SAMD12: variants seen among roughly 807,000 people sequenced by gnomAD.
The protein encoded by SAMD12 is sterile alpha motif domain containing 12, also known as sterile alpha motif domain-containing protein 12.
A neutral mutation model predicts 15.0 loss-of-function variants in SAMD12; 9 were observed. That is an observed-to-expected ratio of 0.60 (90% CI 0.36 to 1.05). The LOEUF (loss-of-function observed/expected upper bound fraction) is 1.05. SAMD12 is among the 50% of genes least tolerant of loss of function. SAMD12 has a pLI of 0.01. For missense variants in SAMD12, 230 were observed against 234.2 expected (o/e 0.98, Z 0.12); for synonymous variants, 86 against 90.1 (o/e 0.96, Z 0.25).
At chr8:118,417,274 G>A (rs1158708392) in intron 3 of SAMD12, among the ~76,000 whole-genome samples, 1 of 152,092 alleles carries the variant, frequency 6.6e-6, no homozygotes, top group African/African-American at 2.4e-5. Context: ...TGTAGAGACA[G>A]GGTCTCATTA....
intron 2 of SAMD12, among the ~76,000 whole-genome samples, chr8:118,453,658 C>T (rs1810718176): frequency 1.3e-5 from 2 of 152,006 alleles, no homozygotes; most frequent in South Asian, 2.1e-4. Context: ...GCAACTGGGA[C>T]TACAGGTGCA....
chr8:118,369,319 A>G (rs1563802073), intron 4 of SAMD12, among the ~76,000 whole-genome samples: 1 of 152,240 alleles, frequency 6.6e-6, no homozygotes. Context: ...AGGATTCCCT[A>G]TTTAATAAAC....
At chr8:118,157,880 T>A in the SAMD12 span, among the ~76,000 whole-genome samples, 2 of 152,176 alleles carry the variant, frequency 1.3e-5, no homozygotes, top group African/African-American at 4.8e-5. Context: ...ACTGTGGACA[T>A]CAGACAATGA....
At chr8:118,335,316 T>G (rs1420312101) in intron 4 of SAMD12, among the ~76,000 whole-genome samples, 1 of 152,164 alleles carries the variant, frequency 6.6e-6, no homozygotes, top group Non-Finnish European at 1.5e-5. Flanking sequence ...TGCTTGTAAC[T>G]CGCAGCTTTC....
rs142136895 is a variant in SAMD12, at chr8:118,567,419, C to T, written c.192+13296G>A. Among the ~76,000 whole-genome samples the T allele has an allele frequency of 5.2e-4, 79 of 152,272 alleles. 1 individual carries two copies. The South Asian group carries it at 0.012, about 24-fold the overall frequency. ...CTCTAAGATGTTACTCTCACCCAGG[C>T]AATGTGTAGGGTTAATCCTTCCTCA... On this transcript the variant is annotated intron_variant, in intron 2 of 3. Transcript: ENST00000314727.
intron 3 of SAMD12, among the ~76,000 whole-genome samples, chr8:118,410,184 C>T (rs888965450): frequency 6.6e-6 from 1 of 151,992 alleles, no homozygotes; most frequent in Non-Finnish European, 1.5e-5. Flanking sequence ...GGTACATGTT[C>T]AAAACTGTTT....
chr8:118,323,168 G>T (rs1309059359), intron 4 of SAMD12, among the ~76,000 whole-genome samples: 1 of 152,178 alleles, frequency 6.6e-6, no homozygotes, highest in African/African-American at 2.4e-5. Flanking sequence ...CCACTGACCT[G>T]CAGCCTTTGA....
intron 2 of SAMD12, among the ~76,000 whole-genome samples, chr8:118,562,862 A>G (rs1045494078): frequency 6.6e-6 from 1 of 152,204 alleles, no homozygotes; most frequent in Non-Finnish European, 1.5e-5. Flanking sequence ...AGACCTGTCC[A>G]CTGGGAGGAC....
chr8:118,359,933 G>C (rs904612417), intron 4 of SAMD12, among the ~76,000 whole-genome samples: 6 of 152,126 alleles, frequency 3.9e-5, no homozygotes, highest in African/African-American at 1.4e-4. Context: ...TACTTACTGG[G>C]CTGAAGGGTC....
At chr8:118,531,591 T>C (rs1328099982) in intron 2 of SAMD12, among the ~76,000 whole-genome samples, 1 of 152,256 alleles carries the variant, frequency 6.6e-6, no homozygotes, top group East Asian at 1.9e-4. Flanking sequence ...GTTTGTGTCC[T>C]CTTTTATTTT....
intron 2 of SAMD12, among the ~76,000 whole-genome samples, chr8:118,525,394 T>C (rs1360591073): frequency 6.6e-6 from 1 of 152,180 alleles, no homozygotes; most frequent in African/African-American, 2.4e-5. Flanking sequence ...CATTTCACAT[T>C]AGACATTTAC....
chr8:118,189,726 T>A (rs1819307223), exon 5 of SAMD12: 1 of 152,106 alleles, frequency 6.6e-6, no homozygotes, highest in Non-Finnish European at 1.5e-5. Context: ...CAAAGGGAAT[T>A]GGCAAGTTGA....
At position 118,522,208 on chromosome 8, in the gene SAMD12, ACACACACG is replaced by A. The variant is rs746980124; in HGVS notation, c.192+58499_192+58506del. On this transcript the variant is annotated intron_variant, in intron 2 of 3. Coordinates refer to ENST00000314727, the MANE Select transcript of SAMD12 (RefSeq NM_207506.3). ...CACACACACACACACATACACACAC[ACACACACG>A]ATAAAAAGAGAGAAATCAAACGAGA... is the stretch of plus-strand genomic sequence containing the variant. Among the ~76,000 whole-genome samples, 1,167 of 140,174 alleles carry A rather than the reference ACACACACG, an allele frequency of 8.3e-3. 10 individuals are homozygous for A. Among genetic ancestry groups the A allele is most frequent in the African/African-American group, 0.024 (837 of 34,808 alleles). 92.0% of individuals were successfully genotyped at this position (140,174 alleles called of 152,430 possible).
intron 4 of SAMD12, among the ~76,000 whole-genome samples, chr8:118,359,765 G>C (rs1818400067): frequency 6.6e-6 from 1 of 152,156 alleles, no homozygotes; most frequent in Non-Finnish European, 1.5e-5. Flanking sequence ...TGCTAAAAAA[G>C]TGCTTAGAAC....
chr8:118,256,129 G>GT (rs1433811229), intron 4 of SAMD12, among the ~76,000 whole-genome samples: 3 of 152,080 alleles, frequency 2.0e-5, no homozygotes, highest in Non-Finnish European at 4.4e-5. Context: ...TTTTTCATGT[G>GT]TTTTTTGGCT....
chr8:118,314,445 T>A (rs995783412), intron 4 of SAMD12, among the ~76,000 whole-genome samples: 8 of 152,172 alleles, frequency 5.3e-5, no homozygotes, highest in Non-Finnish European at 2.9e-5. Context: ...TGTATTTCTA[T>A]GAAATTTTAT....
intron 4 of SAMD12, among the ~76,000 whole-genome samples, chr8:118,317,815 T>C (rs940967522): frequency 6.6e-6 from 1 of 152,146 alleles, no homozygotes; most frequent in Non-Finnish European, 1.5e-5. Context: ...TGGGCAAGAA[T>C]CCTTCATCTC....
At chr8:118,590,127 A>C (rs961618930) in intron 1 of SAMD12, among the ~76,000 whole-genome samples, 4 of 152,232 alleles carry the variant, frequency 2.6e-5, no homozygotes, top group African/African-American at 9.6e-5. Flanking sequence ...CAGAAAAAAA[A>C]TAATATACAA....
At chr8:118,297,183 C>T (rs1814757519) in intron 4 of SAMD12, among the ~76,000 whole-genome samples, 1 of 152,094 alleles carries the variant, frequency 6.6e-6, no homozygotes, top group African/African-American at 2.4e-5. Flanking sequence ...AGGAGCCAGG[C>T]ATTTATTTCA....
Sources: gnomAD v4.1 joint callset for allele counts (sites outside exome capture counted in the v4.1 genomes callset) on GRCh38, gnomAD v4.1.1 for gene constraint, MANE v1.5 for transcripts, NCBI Gene and HGNC (gene_info 2026-07-23, HGNC 2026-07-21) for gene names.